The following CA10 variants were observed in gnomAD, a reference collection of about 807,000 sequenced individuals.
CA10 encodes carbonic anhydrase 10 (inactive), also known as carbonic anhydrase-related protein 10.
CA10 carries 14 observed loss-of-function variants against 44.2 expected under a neutral mutation model. That is an observed-to-expected ratio of 0.32 (90% confidence interval 0.21 to 0.50). The LOEUF (loss-of-function observed/expected upper bound fraction) is 0.50. CA10 is among the 20% of genes least tolerant of loss of function. The pLI is 0.99. For synonymous variants in CA10, 159 were observed against 141.6 expected (o/e 1.12, Z -0.87); for missense variants, 350 against 409.7 (o/e 0.85, Z 1.26).
intron 3 of CA10, among the ~76,000 whole-genome samples, chr17:51,829,134 A>AAAGAGCAT (rs1908136485): frequency 6.6e-6 from 1 of 152,212 alleles, no homozygotes; most frequent in Admixed American, 6.5e-5. Flanking sequence ...GAGAGCAAAA[A>AAAGAGCAT]AAGAGCATGC....
At chr17:51,766,894 A>G (rs1567832769) in intron 3 of CA10, among the ~76,000 whole-genome samples, 2 of 152,190 alleles carry the variant, frequency 1.3e-5, no homozygotes, top group Non-Finnish European at 2.9e-5. Flanking sequence ...TAAGTTCAAC[A>G]TCCTGCCAGA....
intron 3 of CA10, among the ~76,000 whole-genome samples, chr17:51,855,974 T>C (rs1979021145): frequency 6.6e-6 from 1 of 152,004 alleles, no homozygotes; most frequent in South Asian, 2.1e-4. Flanking sequence ...TCAATTACCT[T>C]ATCTGTCAAT....
chr17:51,987,339 G>A (rs1026613303), intron 2 of CA10, among the ~76,000 whole-genome samples: 4 of 151,942 alleles, frequency 2.6e-5, no homozygotes, highest in Non-Finnish European at 5.9e-5. Context: ...GGATGCAAAG[G>A]CATAAGAATG....
intron 2 of CA10, among the ~76,000 whole-genome samples, chr17:51,991,694 A>T (rs150826721): frequency 1.7e-3 from 261 of 152,234 alleles, no homozygotes; most frequent in African/African-American, 5.9e-3. Context: ...CTGTAATCCC[A>T]GTTACTTGGG....
intron 4 of CA10, among the ~76,000 whole-genome samples, chr17:51,656,660 AT>A (rs1913804169): frequency 6.6e-6 from 1 of 152,236 alleles, no homozygotes; most frequent in Non-Finnish European, 1.5e-5. Context: ...TGTTAATAAG[AT>A]GACAGTGTGC....
chr17:51,719,450 CA>C (rs1916281875), intron 4 of CA10, among the ~76,000 whole-genome samples: 1 of 152,184 alleles, frequency 6.6e-6, no homozygotes, highest in Admixed American at 6.5e-5. Flanking sequence ...GCATCTAATA[CA>C]AATTTGGGAC....
chr17:52,052,783 A>G (rs1012527037), intron 2 of CA10, among the ~76,000 whole-genome samples: 7 of 152,126 alleles, frequency 4.6e-5, no homozygotes, highest in Non-Finnish European at 1.5e-5. Flanking sequence ...GGCAATAACT[A>G]GAGTACAACC....
chr17:51,929,571 C>A (rs894189255), intron 3 of CA10, among the ~76,000 whole-genome samples: 1 of 152,106 alleles, frequency 6.6e-6, no homozygotes, highest in Non-Finnish European at 1.5e-5. Flanking sequence ...TTCCTTTTGC[C>A]TAGAATGCAA....
At chr17:51,655,376 G>C (rs1913752442) in intron 4 of CA10, among the ~76,000 whole-genome samples, 1 of 152,210 alleles carries the variant, frequency 6.6e-6, no homozygotes, top group South Asian at 2.1e-4. Context: ...ATGTAGAAGT[G>C]ATTTGTGACT....
intron 5 of CA10, among the ~76,000 whole-genome samples, chr17:51,651,125 A>T (rs1185874135): frequency 6.6e-6 from 1 of 151,814 alleles, no homozygotes; most frequent in Non-Finnish European, 1.5e-5. Flanking sequence ...TAACTCTAGG[A>T]CTAAACTACC....
chr17:51,721,581 C>T (rs755817095), intron 4 of CA10, among the ~76,000 whole-genome samples: 1 of 151,922 alleles, frequency 6.6e-6, no homozygotes, highest in African/African-American at 2.4e-5. Flanking sequence ...GTGATCTGCC[C>T]ACTTTGGCTT....
intron 3 of CA10, among the ~76,000 whole-genome samples, chr17:51,779,033 C>A (rs1360221278): frequency 6.6e-6 from 1 of 152,124 alleles, no homozygotes; most frequent in Admixed American, 6.5e-5. Context: ...GCAGGAAGTA[C>A]AGAGCCTGGG....
intron 3 of CA10, among the ~76,000 whole-genome samples, chr17:51,778,451 T>G (rs1186279389): frequency 1.3e-5 from 2 of 152,180 alleles, no homozygotes; most frequent in East Asian, 3.9e-4. Context: ...ACTCTTCAGA[T>G]AGCTTTCTAA....
At chr17:52,017,287 G>T (rs1985998138) in intron 2 of CA10, among the ~76,000 whole-genome samples, 1 of 152,134 alleles carries the variant, frequency 6.6e-6, no homozygotes, top group Admixed American at 6.6e-5. Context: ...AGGAAGGCAG[G>T]AAGAAAGATG....
intron 3 of CA10, among the ~76,000 whole-genome samples, chr17:51,917,587 T>C (rs1982054865): frequency 6.6e-6 from 1 of 152,196 alleles, no homozygotes; most frequent in South Asian, 2.1e-4. Flanking sequence ...GGGGAGTTTT[T>C]ACTCATGGCA....
chr17:51,948,909 TAAA>T (rs1983381827), intron 2 of CA10, among the ~76,000 whole-genome samples: 1 of 152,130 alleles, frequency 6.6e-6, no homozygotes, highest in Non-Finnish European at 1.5e-5. Flanking sequence ...CTGCATCTAT[TAAA>T]AAGAACATGA....
intron 4 of CA10, among the ~76,000 whole-genome samples, chr17:51,738,042 T>G (rs1916971262): frequency 6.6e-6 from 1 of 152,320 alleles, no homozygotes; most frequent in East Asian, 1.9e-4. Context: ...AGTGGCATAA[T>G]TCATTTGGGG....
intron 6 of CA10, among the ~76,000 whole-genome samples, chr17:51,641,631 C>T (rs1913091284): frequency 6.6e-6 from 1 of 152,160 alleles, no homozygotes; most frequent in South Asian, 2.1e-4. Flanking sequence ...GGTTTTTTGA[C>T]ATGTTCTTGA....
At chr17:51,712,444 C>T (rs1257132436) in intron 4 of CA10, among the ~76,000 whole-genome samples, 1 of 152,144 alleles carries the variant, frequency 6.6e-6, no homozygotes, top group Non-Finnish European at 1.5e-5. Flanking sequence ...AGCTTTTTCT[C>T]ATAAAATGTT....
Sources: gnomAD v4.1 joint callset for allele counts (sites outside exome capture counted in the v4.1 genomes callset) on GRCh38, gnomAD v4.1.1 for gene constraint, MANE v1.5 for transcripts, NCBI Gene and HGNC (gene_info 2026-07-23, HGNC 2026-07-21) for gene names.